The following ZFC3H1 variants were observed in gnomAD, a reference collection of about 807,000 sequenced individuals.
The protein encoded by ZFC3H1 is zinc finger C3H1 domain-containing protein.
In ZFC3H1, 71 loss-of-function variants were observed where a neutral mutation model predicts 243.7. The observed-to-expected ratio is 0.29, with a 90% CI of 0.24 to 0.36. The LOEUF is 0.36. Ranked by LOEUF, ZFC3H1 falls within the 10% of genes least tolerant of loss-of-function variation. ZFC3H1 has a pLI of 1.00. For synonymous variants in ZFC3H1, 838 were observed against 813.0 expected (o/e 1.03, Z -0.52); for missense variants, 1,966 against 2,317.1 (o/e 0.85, Z 3.11).
At chr12:71,630,975 AG>A in intron 16 of ZFC3H1, 21 bp from the exon 17 acceptor site, 1 of 1,551,684 alleles carries the variant, frequency 6.4e-7, no homozygotes, top group Non-Finnish European at 8.7e-7. Flanking sequence ...GAGAGTGAAC[AG>A]GTATATTATG....
At chr12:71,619,893 GCAT>G in intron 26 of ZFC3H1, 30 bp downstream of exon 26, 1 of 1,554,874 alleles carries the variant, frequency 6.4e-7, no homozygotes, top group East Asian at 2.3e-5. Flanking sequence ...AAACATAAAA[GCAT>G]CATATTTAAG....
Position 71,645,007 on chromosome 12 carries a change from A to G in ZFC3H1, c.1149T>C (p.Ser383=), listed in dbSNP as rs980436265. ...GCTGTTCTTTTTGTTGCCATTTTTT[A>G]CTGGCTGACTGAAGAGCCAAAAGGC... The part of the protein sequence containing the change: ...QLRLLALQSA[S]KKWQQKEQQV... The change falls in exon 4 of 35, where the codon AGT becomes AGC. Residue 383 remains serine (S), a synonymous_variant. Coordinates refer to ENST00000378743, the MANE Select transcript of ZFC3H1 (RefSeq NM_144982.5). 6.2e-7 allele frequency: 1 copy of G among 1,613,628 alleles called. No individual in the cohort carries two copies. The highest frequency in any genetic ancestry group is 1.3e-5 in the African/African-American group (1 of 74,880).
intron 7 of ZFC3H1, among the ~76,000 whole-genome samples, chr12:71,637,901 TTTTA>T (rs1242255980): frequency 3.3e-5 from 5 of 152,172 alleles, no homozygotes. Context: ...TTCCTTTTCC[TTTTA>T]TTGTTTTTAT....
intron 1 of ZFC3H1, among the ~76,000 whole-genome samples, chr12:71,658,188 T>G (rs1881069424): frequency 6.6e-6 from 1 of 151,812 alleles, no homozygotes; most frequent in Non-Finnish European, 1.5e-5. Context: ...TCTAAACAAT[T>G]CATACACGAG....
intron 33 of ZFC3H1, 100 bp from the exon 34 acceptor site, chr12:71,610,857 A>G (rs1293945028): frequency 4.0e-5 from 57 of 1,439,270 alleles, no homozygotes; most frequent in Non-Finnish European, 5.4e-5. Context: ...ATAACATCTG[A>G]GACAAAATGG....
intron 24 of ZFC3H1, among the ~76,000 whole-genome samples, chr12:71,620,795 T>C (rs1460586846): frequency 6.6e-6 from 1 of 152,232 alleles, no homozygotes; most frequent in African/African-American, 2.4e-5. Flanking sequence ...TAAAGAGTTC[T>C]TTCTTGATCT....
At chr12:71,633,080 T>C in intron 13 of ZFC3H1, 63 bp from the exon 14 acceptor site, 1 of 1,513,054 alleles carries the variant, frequency 6.6e-7, no homozygotes, top group Middle Eastern at 1.8e-4. Flanking sequence ...AATTTCTTCT[T>C]CTCAAACACC....
chr12:71,636,777 A>C, intron 8 of ZFC3H1, 73 bp downstream of exon 8: 10 of 1,571,936 alleles, frequency 6.4e-6, no homozygotes, highest in Non-Finnish European at 8.6e-6. Context: ...ATGCCCAAGT[A>C]ACCAGAAAAA....
At chr12:71,624,783 AT>A (rs1880120511) in intron 22 of ZFC3H1, among the ~76,000 whole-genome samples, 1 of 152,172 alleles carries the variant, frequency 6.6e-6, no homozygotes, top group Admixed American at 6.5e-5. Flanking sequence ...CCTGGCCAAT[AT>A]GGTGAAACCC....
chr12:71,642,000 C>T (rs939988252), intron 6 of ZFC3H1, among the ~76,000 whole-genome samples: 4 of 152,138 alleles, frequency 2.6e-5, no homozygotes, highest in Non-Finnish European at 5.9e-5. Flanking sequence ...AAGGCACATG[C>T]CACCACACCC....
At chr12:71,613,769 C>G in intron 30 of ZFC3H1, 1 of 173,628 alleles carries the variant, frequency 5.8e-6, no homozygotes. Context: ...TCATGGAATG[C>G]CCGTGTGTAA....
At chr12:71,656,608 AT>A (rs1179959863) in intron 2 of ZFC3H1, 1 of 614,310 alleles carries the variant, frequency 1.6e-6, no homozygotes, top group East Asian at 2.9e-5. Context: ...TGTCAAAACC[AT>A]TTTCTTTAAA....
In ZFC3H1 at chr12:71,636,988, TGGTAGAGGA is replaced by T; in HGVS notation, c.1788_1796del (p.Leu604_Pro606del). On this transcript the variant is annotated inframe_deletion, in exon 8 of 35. Transcript: ENST00000378743. ...CTTCAGGTGGGAGAGGTGGTAATGG[TGGTAGAGGA>T]GGTAGAGGTTCAAGAGAAACACACA... is the stretch of plus-strand genomic sequence containing the variant. 2 of 1,613,984 alleles carry T rather than the reference TGGTAGAGGA, an allele frequency of 1.2e-6. No individual in the cohort carries two copies. Among genetic ancestry groups the T allele is most frequent in the Non-Finnish European group, 1.7e-6 (2 of 1,179,944 alleles).
chr12:71,621,700 T>G lies in ZFC3H1; in HGVS notation c.4745-1385A>C, dbSNP rs1880033065. Among the ~76,000 whole-genome samples, 3 of 152,266 alleles carry G rather than the reference T, an allele frequency of 2.0e-5. 1 individual carries two copies. Among genetic ancestry groups the G allele is most frequent in the Middle Eastern group, 6.8e-3 (2 of 294 alleles). The stretch of plus-strand genomic sequence containing the variant: ...ACTACTCCTACCATCAAAATCAGTC[T>G]TCCCAACTTACCAGTTTTCTATTAA... On this transcript the variant is annotated intron_variant, in intron 24 of 34. Transcript: ENST00000378743.
chr12:71,622,404 T>TC (rs1880053367), intron 24 of ZFC3H1, among the ~76,000 whole-genome samples: 1 of 152,100 alleles, frequency 6.6e-6, no homozygotes, highest in African/African-American at 2.4e-5. Context: ...AATAATCTCT[T>TC]CCCTTTGGGT....
At chr12:71,631,395 T>C (rs1465371313) in intron 16 of ZFC3H1, among the ~76,000 whole-genome samples, 1 of 152,134 alleles carries the variant, frequency 6.6e-6, no homozygotes, top group African/African-American at 2.4e-5. Flanking sequence ...AAGTTAATCA[T>C]ATGAAAATGT....
At chr12:71,645,959 T>C (rs906012377) in intron 3 of ZFC3H1, among the ~76,000 whole-genome samples, 12 of 152,204 alleles carry the variant, frequency 7.9e-5, no homozygotes, top group African/African-American at 2.9e-4. Context: ...AACCCTCTTT[T>C]TTCTTTATGT....
chr12:71,626,398 T>C lies in ZFC3H1; in HGVS notation c.4179A>G (p.Ala1393=), dbSNP rs1337951234. 2.5e-6 allele frequency: 4 copies of C among 1,613,922 alleles called. No homozygotes were observed. The highest frequency in any genetic ancestry group is 1.3e-5 in the African/African-American group (1 of 74,904). Residue 1393 remains alanine (A), a synonymous_variant, in exon 22 of 35, where the codon GCA becomes GCG. Coordinates refer to ENST00000378743, the MANE Select transcript of ZFC3H1 (RefSeq NM_144982.5). ...CTGGATTGTCTTTGTTATTTTCCAATGCTCGCGCCAGAACATTTAAAGCAG... is the reference window on the plus strand; with the variant it reads ...CTGGATTGTCTTTGTTATTTTCCAACGCTCGCGCCAGAACATTTAAAGCAG... ...LDSALNVLAR[A]LENNKDNPEI... is the part of the protein sequence containing the mutation.
In ZFC3H1 at chr12:71,614,693, C is replaced by G; in HGVS notation, c.5368G>C (p.Val1790Leu). 1 of 1,601,244 alleles carries G rather than the reference C, an allele frequency of 6.2e-7. No individual in the cohort carries two copies. Among genetic ancestry groups the G allele is most frequent in the Non-Finnish European group, 8.5e-7 (1 of 1,176,350 alleles). Residue 1790 changes from valine (V) to leucine (L), a missense_variant, in exon 30 of 35, where the codon GTC becomes CTC. Physicochemically the swap from Val to Leu is conservative, Grantham distance 32. Coordinates refer to ENST00000378743, the MANE Select transcript of ZFC3H1 (RefSeq NM_144982.5). The stretch of plus-strand genomic sequence containing the variant: ...CCAGCAGCTCTATTATTTGCAAAGA[C>G]AAGATAACTGCCAAAAGAAAAATAT... Reference protein sequence around the residue: ...IVQKIWMDYLVFANNRAAGSR... With the variant: ...IVQKIWMDYLLFANNRAAGSR...
Sources: gnomAD v4.1 joint callset for allele counts (sites outside exome capture counted in the v4.1 genomes callset) on GRCh38, gnomAD v4.1.1 for gene constraint, MANE v1.5 for transcripts, NCBI Gene and HGNC (gene_info 2026-07-23, HGNC 2026-07-21) for gene names.